The following ST18 variants were observed in gnomAD, a reference collection of about 807,000 sequenced individuals.
ST18 encodes ST18 C2H2C-type zinc finger transcription factor, also known as suppression of tumorigenicity 18 protein.
In ST18, 50 loss-of-function variants were observed where a neutral mutation model predicts 110.0. The observed-to-expected ratio is 0.45, with a 90% CI of 0.36 to 0.58. The LOEUF is 0.58. Ranked by LOEUF, ST18 falls within the 20% of genes least tolerant of loss-of-function variation. ST18 has a pLI of 0.00. For missense variants in ST18, 1,306 were observed against 1,280.1 expected (o/e 1.02, Z -0.31); for synonymous variants, 461 against 452.4 (o/e 1.02, Z -0.24).
chr8:52,388,620 G>A (rs567359768), intron 2 of ST18, among the ~76,000 whole-genome samples: 3 of 152,090 alleles, frequency 2.0e-5, no homozygotes, highest in Non-Finnish European at 2.9e-5. Flanking sequence ...GCACGATGGC[G>A]TAACGGTCAG....
intron 8 of ST18, among the ~76,000 whole-genome samples, chr8:52,208,125 G>A (rs62501020): frequency 0.1 from 15,849 of 152,252 alleles, 1,125 homozygotes; most frequent in Middle Eastern, 0.21. Context: ...ATAAGAAGAT[G>A]AGAATGTCAG....
intron 25 of ST18, among the ~76,000 whole-genome samples, chr8:52,115,232 A>C (rs931081745): frequency 1.3e-5 from 2 of 152,224 alleles, no homozygotes; most frequent in African/African-American, 4.8e-5. Flanking sequence ...TGCTTCTATA[A>C]ATAATTTCAT....
intron 2 of ST18, among the ~76,000 whole-genome samples, chr8:52,395,623 C>T (rs183143710): frequency 1.6e-4 from 24 of 152,220 alleles, no homozygotes; most frequent in Admixed American, 2.6e-4. Flanking sequence ...TGAGAAAGAA[C>T]TTAACATGAG....
intron 2 of ST18, among the ~76,000 whole-genome samples, chr8:52,301,423 T>A (rs2095719471): frequency 6.6e-6 from 1 of 152,210 alleles, no homozygotes; most frequent in South Asian, 2.1e-4. Context: ...ATTAAGATAT[T>A]TATTAATGCA....
intron 9 of ST18, among the ~76,000 whole-genome samples, chr8:52,178,990 A>C (rs974386979): frequency 3.3e-5 from 5 of 152,178 alleles, no homozygotes; most frequent in African/African-American, 1.2e-4. Context: ...ATGATTCTAC[A>C]TGCCATAAAA....
intron 8 of ST18, among the ~76,000 whole-genome samples, chr8:52,186,254 A>G (rs569399448): frequency 6.6e-6 from 1 of 152,308 alleles, no homozygotes; most frequent in Non-Finnish European, 1.5e-5. Flanking sequence ...CCAATTTTAA[A>G]CCTAGGCAAA....
intron 15 of ST18, 127 bp downstream of exon 15, chr8:52,158,771 G>T: frequency 4.6e-6 from 5 of 1,095,428 alleles, no homozygotes; most frequent in Non-Finnish European, 4.1e-6. Flanking sequence ...CTCTTCCTGA[G>T]ACAGGGAGGG....
intron 2 of ST18, among the ~76,000 whole-genome samples, chr8:52,242,783 A>G (rs755271119): frequency 2.0e-4 from 30 of 151,702 alleles, no homozygotes; most frequent in African/African-American, 6.8e-4. Flanking sequence ...GAGGCAGAAG[A>G]TTCACTTGAA....
In ST18 at chr8:52,165,095, T is replaced by C. The variant is rs538582929; in HGVS notation, c.1295+40A>G. The stretch of plus-strand genomic sequence containing the variant: ...TTATTGGTGGAACGTTTCTACCACA[T>C]TTTTTAAATGCAAAATGATTATCAT... On this transcript the variant is annotated intron_variant, in intron 12 of 25. Coordinates refer to ENST00000689386, the MANE Select transcript of ST18 (RefSeq NM_001352837.2). The C allele has an allele frequency of 1.9e-5, 31 of 1,602,482 alleles. No homozygotes were observed. In the South Asian group the frequency reaches 3.2e-4, roughly 17 times the overall value.
intron 2 of ST18, among the ~76,000 whole-genome samples, chr8:52,232,822 G>A (rs960635710): frequency 3.3e-5 from 5 of 151,750 alleles, no homozygotes; most frequent in Admixed American, 6.6e-5. Context: ...TGGAGGGTGC[G>A]TCTCTAAACA....
At position 52,205,979 on chromosome 8, in the gene ST18, T is replaced by C. The variant is rs924940180; in HGVS notation, c.86+6100A>G. ...TATTAATTTATTGATAAAATTTAAA[T>C]TAATATTTCCCCAAAGTGTGGATAG... On this transcript the variant is annotated intron_variant, in intron 8 of 25. Transcript: ENST00000689386. Among the ~76,000 whole-genome samples the C allele has an allele frequency of 3.3e-5, 5 of 152,316 alleles. No individual in the cohort carries two copies. In the South Asian group the frequency reaches 8.3e-4, roughly 25 times the overall value.
At chr8:52,224,033 G>C (rs1309155745) in intron 3 of ST18, among the ~76,000 whole-genome samples, 1 of 152,096 alleles carries the variant, frequency 6.6e-6, no homozygotes, top group African/African-American at 2.4e-5. Flanking sequence ...ACAACAGATT[G>C]AGCTCTTAAT....
chr8:52,276,347 A>G (rs1254671078), intron 2 of ST18, among the ~76,000 whole-genome samples: 2 of 147,932 alleles, frequency 1.4e-5, no homozygotes, highest in Non-Finnish European at 3.0e-5. Context: ...TACACATCAT[A>G]CATGCACACC....
intron 8 of ST18, among the ~76,000 whole-genome samples, chr8:52,208,062 G>A (rs902780179): frequency 1.3e-5 from 2 of 152,220 alleles, no homozygotes; most frequent in African/African-American, 4.8e-5. Context: ...AGGTGGGCCT[G>A]TGGTTATAAA....
chr8:52,396,990 T>C (rs1841381636), intron 2 of ST18, among the ~76,000 whole-genome samples: 1 of 152,250 alleles, frequency 6.6e-6, no homozygotes, highest in African/African-American at 2.4e-5. Flanking sequence ...CTCCTTTGGG[T>C]ATATACCCAG....
chr8:52,391,354 C>A (rs186143310), intron 2 of ST18, among the ~76,000 whole-genome samples: 1 of 152,230 alleles, frequency 6.6e-6, no homozygotes, highest in East Asian at 1.9e-4. Context: ...GACAGGCCAG[C>A]GAGGGTGCAG....
chr8:52,164,625 T>G (rs1205227808), intron 12 of ST18, among the ~76,000 whole-genome samples: 1 of 152,262 alleles, frequency 6.6e-6, no homozygotes, highest in Non-Finnish European at 1.5e-5. Flanking sequence ...CAAATATTTA[T>G]AGACACACAA....
intron 2 of ST18, among the ~76,000 whole-genome samples, chr8:52,232,331 T>C (rs1299856317): frequency 6.6e-6 from 1 of 152,190 alleles, no homozygotes; most frequent in Admixed American, 6.5e-5. Context: ...CAAGGTGCCA[T>C]TATCAAATAT....
At chr8:52,204,005 A>G (rs2079023819) in intron 8 of ST18, among the ~76,000 whole-genome samples, 1 of 152,250 alleles carries the variant, frequency 6.6e-6, no homozygotes, top group African/African-American at 2.4e-5. Context: ...CATATAAAAT[A>G]GCATCTTAAA....
Sources: allele counts gnomAD v4.1 joint callset (sites outside exome capture counted in the v4.1 genomes callset), GRCh38; gene constraint gnomAD v4.1.1; transcripts MANE v1.5; gene names NCBI Gene and HGNC (gene_info 2026-07-23, HGNC 2026-07-21).